PTGR3: variants seen among roughly 807,000 people sequenced by gnomAD.
PTGR3 encodes the protein zinc binding alcohol dehydrogenase domain containing 2.
At chr18:75,205,103 C>T in the PTGR3 span, 4 of 965,862 alleles carry the variant, frequency 4.1e-6, no homozygotes, top group Non-Finnish European at 3.7e-6. Flanking sequence ...TCGCGGACCC[C>T]CACCTCCACC....
chr18:75,208,748 G>A, the PTGR3 span: 1 of 1,124,784 alleles, frequency 8.9e-7, no homozygotes, highest in Non-Finnish European at 1.1e-6. Flanking sequence ...GCGCGCGCCG[G>A]AGTGTGGGCA....
the PTGR3 span, among the ~76,000 whole-genome samples, chr18:75,202,690 AAAAAAG>A: frequency 2.0e-5 from 3 of 151,520 alleles, no homozygotes; most frequent in Non-Finnish European, 4.4e-5. Context: ...GAAAAGAAGG[AAAAAAG>A]AAAAAGAGTC....
the PTGR3 span, chr18:75,205,186 T>C: frequency 3.0e-3 from 2,963 of 985,374 alleles, 64 homozygotes; most frequent in African/African-American, 0.049. Flanking sequence ...CCCGCCTGAG[T>C]CCTTACCTCT....
chr18:75,201,693 G>C, the PTGR3 span: 1 of 1,614,168 alleles, frequency 6.2e-7, no homozygotes, highest in South Asian at 1.1e-5. Flanking sequence ...CAATGTTCCT[G>C]CTTTCACAGG....
At chr18:75,196,702 T>C in the PTGR3 span, 3 of 149,666 alleles carry the variant, frequency 2.0e-5, no homozygotes, top group Non-Finnish European at 3.0e-5. Flanking sequence ...TGAAGACGTA[T>C]TGGTTTTCTC....
the PTGR3 span, chr18:75,195,717 A>C: frequency 6.6e-6 from 1 of 152,180 alleles, no homozygotes; most frequent in Non-Finnish European, 1.5e-5. Context: ...GTTTGAGACC[A>C]GCCTGGGCAA....
chr18:75,198,132 T>C, the PTGR3 span: 1 of 152,176 alleles, frequency 6.6e-6, no homozygotes, highest in Admixed American at 6.5e-5. Flanking sequence ...CGGGTGGCCA[T>C]TATAAACGTT....
At chr18:75,208,941 G>T in the PTGR3 span, 1 of 1,590,580 alleles carries the variant, frequency 6.3e-7, no homozygotes, top group Non-Finnish European at 8.5e-7. Flanking sequence ...GGGCTCAGCC[G>T]GGTCACCACC....
the PTGR3 span, chr18:75,208,970 G>T: frequency 6.3e-7 from 1 of 1,595,042 alleles, no homozygotes; most frequent in Non-Finnish European, 8.5e-7. Context: ...CATGGCTTGG[G>T]GAATGGCGGA....
chr18:75,207,608 C>A, the PTGR3 span, among the ~76,000 whole-genome samples: 3 of 151,688 alleles, frequency 2.0e-5, no homozygotes, highest in Admixed American at 2.0e-4. Flanking sequence ...TCCAGACCAG[C>A]CCCCCACCCC....
chr18:75,202,365 A>C, the PTGR3 span: 1 of 1,584,346 alleles, frequency 6.3e-7, no homozygotes, highest in Non-Finnish European at 8.6e-7. Flanking sequence ...ACAAACAAAT[A>C]TGTTACGATG....
the PTGR3 span, among the ~76,000 whole-genome samples, chr18:75,204,945 A>G: frequency 6.6e-6 from 1 of 151,218 alleles, no homozygotes; most frequent in East Asian, 2.0e-4. Context: ...AGGCACCCCC[A>G]TTTCTCACCC....
At chr18:75,204,226 T>TG in the PTGR3 span, among the ~76,000 whole-genome samples, 3 of 152,146 alleles carry the variant, frequency 2.0e-5, no homozygotes, top group African/African-American at 4.8e-5. Flanking sequence ...GGGCGCGCCC[T>TG]GGGGGGCTCT....
chr18:75,201,660 G>C, the PTGR3 span: 1 of 1,614,212 alleles, frequency 6.2e-7, no homozygotes, highest in Non-Finnish European at 8.5e-7. Flanking sequence ...TACGCTGGCA[G>C]ATTTCTTGAG....
chr18:75,199,190 T>C, the PTGR3 span: 6 of 152,614 alleles, frequency 3.9e-5, no homozygotes, highest in Non-Finnish European at 7.4e-5. Flanking sequence ...CTGCATTTAG[T>C]ATATTCCCTC....
chr18:75,205,138 C>T, the PTGR3 span: 733 of 984,944 alleles, frequency 7.4e-4, no homozygotes, highest in Admixed American at 1.7e-3. Flanking sequence ...GACGCGGCTT[C>T]GCCCCCGCGG....
chr18:75,208,772 G>A, the PTGR3 span: 6 of 1,271,162 alleles, frequency 4.7e-6, no homozygotes, highest in East Asian at 6.5e-5. Flanking sequence ...GGGCGGGCTG[G>A]GGACTGCGGG....
chr18:75,197,899 C>CT, the PTGR3 span: 11 of 102,556 alleles, frequency 1.1e-4, no homozygotes, highest in African/African-American at 4.1e-4. Flanking sequence ...AGTGCTTGGT[C>CT]TTTTTTATCA....
At chr18:75,202,049 G>A in the PTGR3 span, 14 of 1,614,038 alleles carry the variant, frequency 8.7e-6, no homozygotes, top group East Asian at 2.5e-4. Context: ...ACAGTCCTCC[G>A]AGCTCTTTCA....
Sources: gnomAD v4.1 joint callset for allele counts (sites outside exome capture counted in the v4.1 genomes callset) on GRCh38, gnomAD v4.1.1 for gene constraint, MANE v1.5 for transcripts, NCBI Gene and HGNC (gene_info 2026-07-23, HGNC 2026-07-21) for gene names.